Variants in CYP4F12 observed in about 807,000 individuals in gnomAD.
CYP4F12 encodes the protein cytochrome P450 family 4 subfamily F member 12, also known as cytochrome P450 4F12.
A neutral mutation model predicts 56.5 loss-of-function variants in CYP4F12; 60 were observed. The ratio of observed to expected loss-of-function variants is 1.06; its 90% CI spans 0.86 to 1.32. CYP4F12 has a LOEUF of 1.32. CYP4F12 is among the 40% of genes most tolerant of loss of function. The pLI is 0.00. For synonymous variants in CYP4F12, 263 were observed against 264.9 expected, an observed-to-expected ratio of 0.99 and a Z score of 0.07; for missense variants, 711 against 683.5, an observed-to-expected ratio of 1.04 and a Z score of -0.45.
At chr19:15,682,663 C>T (rs761042934) in intron 6 of CYP4F12, 153 bp downstream of exon 6, 2 of 1,199,716 alleles carry the variant, frequency 1.7e-6, no homozygotes, top group African/African-American at 1.5e-5. Flanking sequence ...AAAGTGCTGT[C>T]TTTCCAGGTA....
At chr19:15,691,193 T>G (rs2007852910) in intron 9 of CYP4F12, among the ~76,000 whole-genome samples, 1 of 152,214 alleles carries the variant, frequency 6.6e-6, no homozygotes, top group African/African-American at 2.4e-5. Context: ...TTTTTCTCCT[T>G]TTGTGTAGCT....
At chr19:15,686,960 C>T (rs1176085947) in intron 9 of CYP4F12, among the ~76,000 whole-genome samples, 2 of 142,666 alleles carry the variant, frequency 1.4e-5, no homozygotes, top group Non-Finnish European at 1.5e-5. Flanking sequence ...TAATACTGTG[C>T]ACTTTGTAAA....
chr19:15,688,261 C>G (rs796782287), intron 9 of CYP4F12, among the ~76,000 whole-genome samples: 8 of 152,024 alleles, frequency 5.3e-5, no homozygotes, highest in African/African-American at 1.9e-4. Context: ...TCAAACTCTT[C>G]TGTGAGGCAG....
At chr19:15,694,793 C>G (rs2008043095) in intron 9 of CYP4F12, among the ~76,000 whole-genome samples, 1 of 152,136 alleles carries the variant, frequency 6.6e-6, no homozygotes, top group African/African-American at 2.4e-5. Flanking sequence ...AAATCAAAAC[C>G]ACAATGAGAT....
rs561735761 is a variant in CYP4F12, at chr19:15,690,933, T to C, written c.1116-5003T>C. Among the ~76,000 whole-genome samples, 8 of 152,352 alleles carry C rather than the reference T, an allele frequency of 5.3e-5. No homozygotes were observed. In the South Asian group the frequency reaches 1.7e-3, roughly 32 times the overall value. ...ATCATCGATCTCTTCTTATATTCCT[T>C]ATATTTTTTGTCCTATGGTATTTAC... On this transcript the variant is annotated intron_variant, in intron 9 of 12. Coordinates refer to ENST00000550308, the MANE Select transcript of CYP4F12 (RefSeq NM_023944.4).
At chr19:15,681,265 A>G (rs2007284306) in intron 5 of CYP4F12, 1 of 152,578 alleles carries the variant, frequency 6.6e-6, no homozygotes, top group African/African-American at 2.4e-5. Context: ...GGGGTGTAAA[A>G]TAGAACGCAT....
At chr19:15,682,924 G>A (rs569107503) in intron 6 of CYP4F12, among the ~76,000 whole-genome samples, 5 of 152,316 alleles carry the variant, frequency 3.3e-5, no homozygotes, top group African/African-American at 4.8e-5. Flanking sequence ...TTTCAGTAGA[G>A]AGGGGGTTCA....
chr19:15,696,535 G>A lies in CYP4F12; in HGVS notation c.1397+23G>A, dbSNP rs764134471. On this transcript the variant is annotated intron_variant, in intron 12 of 12. Transcript: ENST00000550308. ...CAGGTAAGAGCGCCCTGTGTCTGAG[G>A]CAGGGATGGGATGATGGGTGCGGGA... 5 of 1,608,532 alleles carry A rather than the reference G, an allele frequency of 3.1e-6. No individual in the cohort carries two copies. The African/African-American group carries it at 6.7e-5, about 22-fold the overall frequency.
At chr19:15,696,368 T>G in intron 11 of CYP4F12, 62 bp from the exon 12 acceptor site, 1 of 1,612,144 alleles carries the variant, frequency 6.2e-7, no homozygotes, top group Non-Finnish European at 8.5e-7. Context: ...CACACAAGTG[T>G]CTCTCCAAGG....
chr19:15,689,558 G>A (rs762275374), intron 9 of CYP4F12, among the ~76,000 whole-genome samples: 1 of 152,286 alleles, frequency 6.6e-6, no homozygotes, highest in South Asian at 2.1e-4. Flanking sequence ...ATTCCTTAGC[G>A]AACTAAAAGT....
At chr19:15,678,206 G>C in intron 2 of CYP4F12, 55 bp from the exon 3 acceptor site, 1 of 1,609,916 alleles carries the variant, frequency 6.2e-7, no homozygotes, top group Admixed American at 1.7e-5. Context: ...GCCCAGTCTA[G>C]TGGACACCTA....
chr19:15,683,521 T>C lies in CYP4F12; in HGVS notation c.676T>C (p.Leu226=). ...ERPSEYIATI[L]ELSALVEKRS... ...GCCCAGTGAATATATTGCCACCATC[T>C]TGGAGCTCAGTGCCCTTGTAGAGAA... Residue 226 remains leucine, a synonymous_variant, in exon 7 of 13, where the codon TTG becomes CTG. Coordinates refer to ENST00000550308, the MANE Select transcript of CYP4F12 (RefSeq NM_023944.4). The C allele has an allele frequency of 2.5e-6, 4 of 1,608,974 alleles. No homozygotes were observed. Among genetic ancestry groups the C allele is most frequent in the Non-Finnish European group, 3.4e-6 (4 of 1,178,012 alleles).
chr19:15,675,999 C>T (rs1207516879), intron 2 of CYP4F12, among the ~76,000 whole-genome samples: 2 of 152,102 alleles, frequency 1.3e-5, no homozygotes, highest in Non-Finnish European at 2.9e-5. Context: ...AGCCAGAAAC[C>T]AGGGACACTG....
chr19:15,687,410 AT>A (rs1205856541), intron 9 of CYP4F12, among the ~76,000 whole-genome samples: 2 of 152,242 alleles, frequency 1.3e-5, no homozygotes, highest in Non-Finnish European at 2.9e-5. Context: ...TTCTATACAA[AT>A]AAGAGTGTAT....
At chr19:15,691,968 C>CT (rs1211243095) in intron 9 of CYP4F12, among the ~76,000 whole-genome samples, 42 of 151,714 alleles carry the variant, frequency 2.8e-4, no homozygotes, top group African/African-American at 9.4e-4. Flanking sequence ...TTTCTTTTTT[C>CT]TTTTTTTGAG....
At position 15,678,329 on chromosome 19, in the gene CYP4F12, G is replaced by A. The variant is rs568094588; in HGVS notation, c.267G>A (p.Thr89=). Residue 89 remains threonine, a synonymous_variant, in exon 3 of 13, where the codon ACG becomes ACA. Coordinates refer to ENST00000550308, the MANE Select transcript of CYP4F12 (RefSeq NM_023944.4). ...CGGCCACCTATTCCCAGGGCTTTAC[G>A]GTATGGCTGGGTCCCATCATCCCCT... ...QMSATYSQGF[T]VWLGPIIPFI... is the part of the protein sequence containing the mutation. 21 of 1,614,040 alleles carry A rather than the reference G, an allele frequency of 1.3e-5. No individual in the cohort carries two copies. The highest frequency in any genetic ancestry group is 1.6e-4 in the Middle Eastern group (1 of 6,084).
rs1387180474 is a variant in CYP4F12 at position 15,695,929 on chromosome 19, T to G, written c.1116-7T>G. On this transcript the variant is annotated splice_region_variant and splice_polypyrimidine_tract_variant and intron_variant, in intron 9 of 12. Coordinates refer to ENST00000550308, the MANE Select transcript of CYP4F12 (RefSeq NM_023944.4). ...TGATAATGACTGGGGCTGGGGTGTT[T>G]CCTTAGGGACGACCTGGCCCAGCTG... 3 of 1,610,314 alleles carry G rather than the reference T, an allele frequency of 1.9e-6. No homozygotes were observed. In the African/African-American group the frequency reaches 4.0e-5, roughly 22 times the overall value.
At chr19:15,673,433 C>T (rs1359691574) in intron 1 of CYP4F12, 96 bp from the exon 2 acceptor site, 8 of 1,395,494 alleles carry the variant, frequency 5.7e-6, no homozygotes, top group Non-Finnish European at 9.8e-7. Context: ...CCTCCCTGCC[C>T]TGCCCCCAGC....
intron 9 of CYP4F12, among the ~76,000 whole-genome samples, chr19:15,688,177 G>T (rs757502731): frequency 2.0e-4 from 31 of 152,146 alleles, no homozygotes; most frequent in Non-Finnish European, 4.1e-4. Context: ...CACTGCATGT[G>T]TGAGACCCAC....
Sources: gnomAD v4.1 joint callset for allele counts (sites outside exome capture counted in the v4.1 genomes callset) on GRCh38, gnomAD v4.1.1 for gene constraint, MANE v1.5 for transcripts, NCBI Gene and HGNC (gene_info 2026-07-23, HGNC 2026-07-21) for gene names.